ZNF254: variants seen among roughly 807,000 people sequenced by gnomAD.
ZNF254 encodes the protein zinc finger protein 254, also known as CTD-2017D11.1.
Under a neutral mutation model 12.4 loss-of-function variants are expected in ZNF254, and 10 were observed. That is an observed-to-expected ratio of 0.80 (90% CI 0.50 to 1.36). The LOEUF (loss-of-function observed/expected upper bound fraction) is 1.36, where lower values mean the gene tolerates loss of function less well. Among genes scored for constraint, ZNF254 ranks in the 40% most tolerant of loss-of-function variants. ZNF254 has a pLI of 0.00. For synonymous variants in ZNF254, 305 were observed against 253.4 expected (o/e 1.20, Z -1.93); for missense variants, 996 against 763.9 (o/e 1.30, Z -3.58).
At chr19:24,041,697 C>A (rs1457173624) in intron 1 of ZNF254, among the ~76,000 whole-genome samples, 1 of 152,204 alleles carries the variant, frequency 6.6e-6, no homozygotes, top group African/African-American at 2.4e-5. Context: ...CTGAGGAATG[C>A]GAGCGCACGG....
At chr19:24,049,622 G>A (rs1970569563) in intron 2 of ZNF254, 1 of 152,106 alleles carries the variant, frequency 6.6e-6, no homozygotes, top group Admixed American at 6.5e-5. Flanking sequence ...CTTGTACCCA[G>A]GTGGTGTGAA....
At chr19:24,115,309 A>T (rs927316036) in intron 3 of ZNF254, among the ~76,000 whole-genome samples, 10 of 152,276 alleles carry the variant, frequency 6.6e-5, no homozygotes, top group Middle Eastern at 3.4e-3. Context: ...GATTAAGAAA[A>T]TGTGGCACAT....
At chr19:24,053,026 T>C (rs1970707178) in intron 2 of ZNF254, among the ~76,000 whole-genome samples, 2 of 152,128 alleles carry the variant, frequency 1.3e-5, no homozygotes, top group Non-Finnish European at 1.5e-5. Context: ...GTTGCGACAC[T>C]CATATGCATA....
chr19:24,077,192 C>T (rs866981303), intron 2 of ZNF254, among the ~76,000 whole-genome samples: 1 of 152,100 alleles, frequency 6.6e-6, no homozygotes, highest in Middle Eastern at 3.2e-3. Context: ...TTGGAAGCCC[C>T]AACCTCAAGT....
chr19:24,093,979 A>T (rs558990701), intron 1 of ZNF254, among the ~76,000 whole-genome samples: 1 of 152,204 alleles, frequency 6.6e-6, no homozygotes, highest in African/African-American at 2.4e-5. Flanking sequence ...TGCAATTCTT[A>T]TAGAGATCTT....
upstream of ZNF254, among the ~76,000 whole-genome samples, chr19:24,082,691 T>C (rs1404041476): frequency 1.4e-5 from 2 of 147,104 alleles, no homozygotes; most frequent in African/African-American, 5.0e-5. Flanking sequence ...ATTTGATTGA[T>C]GTCTCATTAC....
chr19:24,044,854 G>T (rs530822210), intron 1 of ZNF254, among the ~76,000 whole-genome samples: 143 of 151,778 alleles, frequency 9.4e-4, no homozygotes, highest in African/African-American at 3.4e-3. Flanking sequence ...GACATTCAGG[G>T]ATGTGGTCAT....
chr19:24,118,678 C>T (rs1449142856), intron 3 of ZNF254, among the ~76,000 whole-genome samples: 2 of 151,656 alleles, frequency 1.3e-5, no homozygotes, highest in African/African-American at 4.8e-5. Flanking sequence ...TAAATGTTTA[C>T]TTACATATGC....
At chr19:24,091,076 G>A (rs574259957) in intron 1 of ZNF254, among the ~76,000 whole-genome samples, 2 of 151,058 alleles carry the variant, frequency 1.3e-5, no homozygotes, top group East Asian at 2.0e-4. Context: ...AGCCTCCTGC[G>A]TAGCTGGGAT....
At chr19:24,042,484 T>G (rs1970214003) in intron 1 of ZNF254, among the ~76,000 whole-genome samples, 1 of 152,146 alleles carries the variant, frequency 6.6e-6, no homozygotes, top group Non-Finnish European at 1.5e-5. Context: ...ACGCTGCTTT[T>G]AAGAGCTGTA....
At chr19:24,054,147 C>G (rs1001114109) in intron 2 of ZNF254, among the ~76,000 whole-genome samples, 2 of 152,154 alleles carry the variant, frequency 1.3e-5, no homozygotes, top group Non-Finnish European at 1.5e-5. Flanking sequence ...TAGCTCAGCA[C>G]CCAGGTGATG....
intron 2 of ZNF254, among the ~76,000 whole-genome samples, chr19:24,047,279 T>C (rs917293636): frequency 2.0e-5 from 3 of 151,930 alleles, no homozygotes; most frequent in Admixed American, 6.6e-5. Flanking sequence ...TCTTCCTCCT[T>C]CTCTCTTTCC....
intron 1 of ZNF254, 55 bp from the exon 2 acceptor site, chr19:24,105,884 GA>G: frequency 1.3e-6 from 2 of 1,551,682 alleles, no homozygotes; most frequent in Admixed American, 1.7e-5. Context: ...TGAGTCAAAT[GA>G]AAAATTCTGC....
At chr19:24,065,615 T>C (rs1971241427) in intron 2 of ZNF254, 1 of 152,112 alleles carries the variant, frequency 6.6e-6, no homozygotes, top group South Asian at 2.1e-4. Context: ...AGCACCCGAG[T>C]GATTTGATTT....
chr19:24,118,465 AAATT>A (rs1376367673), intron 3 of ZNF254, among the ~76,000 whole-genome samples: 1 of 152,090 alleles, frequency 6.6e-6, no homozygotes, highest in Non-Finnish European at 1.5e-5. Flanking sequence ...ATTTCTCTAT[AAATT>A]AGAAATTTTT....
intron 3 of ZNF254, chr19:24,106,845 A>G (rs1358642785): frequency 2.1e-5 from 9 of 437,762 alleles, no homozygotes; most frequent in Admixed American, 3.8e-5. Flanking sequence ...TTTCCCTTCA[A>G]TGATCTTCCT....
intron 1 of ZNF254, among the ~76,000 whole-genome samples, chr19:24,034,472 A>G (rs1969882598): frequency 7.0e-6 from 1 of 143,566 alleles, no homozygotes; most frequent in African/African-American, 2.6e-5. Context: ...TGACAAATTT[A>G]GATTTAGGTA....
chr19:24,110,140 A>C (rs1973578469), intron 3 of ZNF254, among the ~76,000 whole-genome samples: 1 of 152,202 alleles, frequency 6.6e-6, no homozygotes, highest in Admixed American at 6.6e-5. Context: ...TGTGTGAGAA[A>C]AACACTTTTG....
intron 3 of ZNF254, 51 bp from the exon 4 acceptor site, chr19:24,126,203 C>A (rs1974820892): frequency 2.4e-6 from 3 of 1,230,656 alleles, no homozygotes; most frequent in East Asian, 5.6e-5. Flanking sequence ...AAACTATATT[C>A]ATGTGAGTCT....
Sources: allele counts gnomAD v4.1 joint callset (sites outside exome capture counted in the v4.1 genomes callset), GRCh38; gene constraint gnomAD v4.1.1; transcripts MANE v1.5; gene names NCBI Gene and HGNC (gene_info 2026-07-23, HGNC 2026-07-21).